The following LRRC20 variants were observed in gnomAD, a reference collection of about 807,000 sequenced individuals.
LRRC20 encodes leucine rich repeat containing 20, also known as leucine-rich repeat-containing protein 20.
Under a neutral mutation model 14.4 loss-of-function variants are expected in LRRC20, and 11 were observed. The ratio of observed to expected loss-of-function variants is 0.77; its 90% CI spans 0.48 to 1.27. The LOEUF (loss-of-function observed/expected upper bound fraction) is 1.27, where lower values mean the gene tolerates loss of function less well. Ranked by LOEUF, LRRC20 falls within the 50% of genes most tolerant of loss-of-function variation. The pLI is 0.00. For synonymous variants in LRRC20, 121 were observed against 107.3 expected, an observed-to-expected ratio of 1.13 and a Z score of -0.79; for missense variants, 219 against 251.2, an observed-to-expected ratio of 0.87 and a Z score of 0.87.
At chr10:70,361,077 GAA>G (rs1324424833) in intron 2 of LRRC20, among the ~76,000 whole-genome samples, 4 of 151,292 alleles carry the variant, frequency 2.6e-5, no homozygotes, top group African/African-American at 9.7e-5. Context: ...GAGAGAGAGA[GAA>G]AGAGAGAATG....
intron 1 of LRRC20, among the ~76,000 whole-genome samples, chr10:70,379,760 C>G (rs958612632): frequency 6.6e-6 from 1 of 152,190 alleles, no homozygotes; most frequent in Non-Finnish European, 1.5e-5. Context: ...TGCAATTCTA[C>G]TAGCTACCAC....
At chr10:70,347,377 A>C (rs1006603320) in intron 2 of LRRC20, among the ~76,000 whole-genome samples, 3 of 152,064 alleles carry the variant, frequency 2.0e-5, no homozygotes, top group African/African-American at 7.2e-5. Context: ...AAAGCCATGC[A>C]AGTTATTTCC....
chr10:70,340,433 G>T, intron 3 of LRRC20, 120 bp downstream of exon 3: 2 of 1,185,846 alleles, frequency 1.7e-6, no homozygotes, highest in Non-Finnish European at 1.2e-6. Context: ...CAACCCATGG[G>T]AATGATTTCA....
chr10:70,307,637 C>T (rs181884252), intron 4 of LRRC20, among the ~76,000 whole-genome samples: 18 of 152,330 alleles, frequency 1.2e-4, no homozygotes, highest in Non-Finnish European at 1.9e-4. Flanking sequence ...GAAAACACCA[C>T]CACCTTATTT....
intron 4 of LRRC20, among the ~76,000 whole-genome samples, chr10:70,305,048 G>A (rs10999258): frequency 0.24 from 36,834 of 152,040 alleles, 5,666 homozygotes; most frequent in Non-Finnish European, 0.33. Context: ...GCCGGGTGTG[G>A]TGGCACATGC....
chr10:70,348,027 C>T (rs1483032041), intron 2 of LRRC20, among the ~76,000 whole-genome samples: 2 of 152,116 alleles, frequency 1.3e-5, no homozygotes, highest in Non-Finnish European at 2.9e-5. Context: ...CTGATCTGCA[C>T]AGTATCCTGT....
At chr10:70,320,296 GAGATAGATAGATAGATAGATAGAT>G (rs10555469) in intron 4 of LRRC20, among the ~76,000 whole-genome samples, 4 of 148,328 alleles carry the variant, frequency 2.7e-5, no homozygotes, top group Non-Finnish European at 4.5e-5. Context: ...CATGTCCCAG[GAGATAGATAGATAGATAGATAGAT>G]AGATAGATAG....
chr10:70,363,626 A>G (rs1339387604), intron 2 of LRRC20, among the ~76,000 whole-genome samples: 1 of 152,238 alleles, frequency 6.6e-6, no homozygotes, highest in African/African-American at 2.4e-5. Context: ...ACAAAGAATT[A>G]TCCAGCTCAA....
intron 4 of LRRC20, among the ~76,000 whole-genome samples, chr10:70,316,200 T>C (rs1363696157): frequency 6.6e-6 from 1 of 152,222 alleles, no homozygotes; most frequent in Non-Finnish European, 1.5e-5. Context: ...TGGTGCAATC[T>C]TGGCTAACTG....
intron 4 of LRRC20, among the ~76,000 whole-genome samples, chr10:70,320,915 G>A (rs538042247): frequency 1.3e-5 from 2 of 152,260 alleles, no homozygotes; most frequent in South Asian, 2.1e-4. Context: ...GGAAGATCAC[G>A]TGGCAGCTCT....
intron 1 of LRRC20, among the ~76,000 whole-genome samples, chr10:70,377,782 C>G (rs1382161713): frequency 6.6e-6 from 1 of 152,360 alleles, no homozygotes; most frequent in African/African-American, 2.4e-5. Context: ...CCAGGGCTGG[C>G]CAAGCCCACC....
intron 2 of LRRC20, among the ~76,000 whole-genome samples, chr10:70,347,853 CAA>C (rs1843136642): frequency 1.3e-5 from 2 of 150,856 alleles, no homozygotes; most frequent in Non-Finnish European, 1.5e-5. Flanking sequence ...CACACACACA[CAA>C]AAAACAAGCA....
intron 4 of LRRC20, among the ~76,000 whole-genome samples, chr10:70,304,470 TTATA>T (rs57284629): frequency 0.075 from 8,574 of 113,606 alleles, 575 homozygotes; most frequent in East Asian, 0.17. Context: ...GGCCACTTCT[TTATA>T]TATATATATA....
intron 2 of LRRC20, among the ~76,000 whole-genome samples, chr10:70,361,696 T>C (rs1377657616): frequency 2.6e-5 from 4 of 152,142 alleles, no homozygotes; most frequent in Non-Finnish European, 4.4e-5. Flanking sequence ...GGCCCAGTCA[T>C]TGGCTCCCTC....
chr10:70,368,886 G>A (rs1219440352), intron 2 of LRRC20, among the ~76,000 whole-genome samples: 1 of 152,154 alleles, frequency 6.6e-6, no homozygotes, highest in African/African-American at 2.4e-5. Context: ...GCGTCCCAAA[G>A]TTCTAGGATT....
chr10:70,366,975 G>A (rs1844022341), intron 2 of LRRC20, among the ~76,000 whole-genome samples: 2 of 152,096 alleles, frequency 1.3e-5, no homozygotes, highest in Admixed American at 1.3e-4. Context: ...CTCAGATATG[G>A]AGGGACAACT....
At chr10:70,376,894 G>T (rs765345325) in intron 1 of LRRC20, 1 of 281,174 alleles carries the variant, frequency 3.6e-6, no homozygotes, top group Non-Finnish European at 6.9e-6. Context: ...GAGGTGTGAG[G>T]ACTCAGGGGT....
chr10:70,351,673 A>G (rs1018747561), intron 2 of LRRC20, among the ~76,000 whole-genome samples: 1 of 152,224 alleles, frequency 6.6e-6, no homozygotes, highest in African/African-American at 2.4e-5. Context: ...GTGATTTTCA[A>G]TCAAACATTG....
chr10:70,317,348 T>C (rs1340363582), intron 4 of LRRC20, among the ~76,000 whole-genome samples: 1 of 151,890 alleles, frequency 6.6e-6, no homozygotes, highest in African/African-American at 2.4e-5. Context: ...CCTTTCTTTT[T>C]TCCCTCTCTC....
Sources: allele counts gnomAD v4.1 joint callset (sites outside exome capture counted in the v4.1 genomes callset), GRCh38; gene constraint gnomAD v4.1.1; transcripts MANE v1.5; gene names NCBI Gene and HGNC (gene_info 2026-07-23, HGNC 2026-07-21).